The following R3HDM2 variants were observed in gnomAD, a reference collection of about 807,000 sequenced individuals.
The protein encoded by R3HDM2 is R3H domain-containing protein 2.
In R3HDM2, 38 loss-of-function variants were observed where a neutral mutation model predicts 124.5. The observed-to-expected ratio is 0.31, with a 90% CI of 0.24 to 0.40. R3HDM2 has a LOEUF of 0.40. Among genes scored for constraint, R3HDM2 ranks in the 10% least tolerant of loss-of-function variants. R3HDM2 has a pLI of 1.00. For synonymous variants in R3HDM2, 391 were observed against 448.0 expected (o/e 0.87, Z 1.61); for missense variants, 869 against 1,236.9 (o/e 0.70, Z 4.46).
At chr12:57,375,087 T>C (rs1325897481) in intron 2 of R3HDM2, among the ~76,000 whole-genome samples, 2 of 151,902 alleles carry the variant, frequency 1.3e-5, no homozygotes, top group Admixed American at 1.3e-4. Context: ...ACCAGACATA[T>C]TCCACAAACT....
chr12:57,269,292 A>G (rs759717601), intron 16 of R3HDM2, 31 bp downstream of exon 16: 1 of 1,611,060 alleles, frequency 6.2e-7, no homozygotes, highest in African/African-American at 1.3e-5. Context: ...TCCCTTATTC[A>G]CTGCCTTCTT....
At position 57,364,464 on chromosome 12, in the gene R3HDM2, C is replaced by G. The variant is rs548275839; in HGVS notation, c.-36+31285G>C. 3.3e-5 allele frequency among the ~76,000 whole-genome samples: 5 copies of G among 151,882 alleles called. No homozygotes were observed. The East Asian group carries it at 7.8e-4, about 24-fold the overall frequency. The stretch of plus-strand genomic sequence containing the variant: ...CACGCCTAGCCTACAGGCTGGGTGT[C>G]TTAAAAAGAAAATTTATTTTCTCAC... On this transcript the variant is annotated intron_variant, in intron 2 of 23. Coordinates refer to ENST00000402412, the MANE Select transcript of R3HDM2 (RefSeq NM_001394031.1).
At chr12:57,336,968 A>G (rs1433084535) in intron 2 of R3HDM2, among the ~76,000 whole-genome samples, 1 of 152,168 alleles carries the variant, frequency 6.6e-6, no homozygotes, top group Non-Finnish European at 1.5e-5. Flanking sequence ...TAAATTTTTG[A>G]AAATTATTTG....
chr12:57,355,258 C>A (rs1271490527), intron 2 of R3HDM2, among the ~76,000 whole-genome samples: 1 of 151,028 alleles, frequency 6.6e-6, no homozygotes, highest in Non-Finnish European at 1.5e-5. Flanking sequence ...GAGATCGAGA[C>A]CATCCTGGCT....
At chr12:57,347,364 T>G (rs906933996) in intron 2 of R3HDM2, among the ~76,000 whole-genome samples, 16 of 152,276 alleles carry the variant, frequency 1.1e-4, no homozygotes, top group African/African-American at 3.9e-4. Flanking sequence ...TAGAGAGATC[T>G]CTACAGTAAC....
intron 2 of R3HDM2, among the ~76,000 whole-genome samples, chr12:57,311,360 G>A (rs1406287334): frequency 6.7e-6 from 1 of 150,156 alleles, no homozygotes; most frequent in Non-Finnish European, 1.5e-5. Flanking sequence ...TGAGTAGCTG[G>A]GACTACAGGT....
At chr12:57,297,682 C>G in intron 7 of R3HDM2, 1 of 361,786 alleles carries the variant, frequency 2.8e-6, no homozygotes, top group Non-Finnish European at 5.0e-6. Flanking sequence ...CGTTATAAAT[C>G]TAATCGTCAT....
At position 57,280,245 on chromosome 12, in the gene R3HDM2, A is replaced by G. The variant is rs2045818660; in HGVS notation, c.1344+113T>C. The stretch of plus-strand genomic sequence containing the variant: ...AATGAGAAATGGGGGAGAGAGTGGC[A>G]TGTCTCCAAAAACTGATCCTTCCTG... On this transcript the variant is annotated intron_variant, in intron 14 of 23. Coordinates refer to ENST00000402412, the MANE Select transcript of R3HDM2 (RefSeq NM_001394031.1). 6.4e-6 allele frequency: 7 copies of G among 1,101,928 alleles called. No individual in the cohort carries two copies. In the East Asian group the frequency reaches 8.3e-5, roughly 13 times the overall value. The allele number at this position is 1,101,928 out of a possible 1,614,324, so 68.3% of individuals were successfully genotyped here.
chr12:57,275,310 A>G (rs915759868), intron 14 of R3HDM2, among the ~76,000 whole-genome samples: 2 of 152,208 alleles, frequency 1.3e-5, no homozygotes, highest in Non-Finnish European at 2.9e-5. Flanking sequence ...CCTTATACAA[A>G]AATCAACTCA....
intron 21 of R3HDM2, among the ~76,000 whole-genome samples, chr12:57,256,822 CTT>C (rs757111053): frequency 1.1e-4 from 16 of 141,092 alleles, no homozygotes; most frequent in South Asian, 6.7e-4. Flanking sequence ...TTTTATCTCT[CTT>C]TTTTTTTTTT....
At chr12:57,360,036 T>TATATATATATATAC (rs2061724002) in intron 2 of R3HDM2, among the ~76,000 whole-genome samples, 5 of 78,376 alleles carry the variant, frequency 6.4e-5, no homozygotes, top group East Asian at 3.1e-4. Context: ...CACATATATA[T>TATATATATATATAC]ATATATATAT....
At chr12:57,281,524 C>T (rs2046130889) in intron 13 of R3HDM2, among the ~76,000 whole-genome samples, 3 of 151,288 alleles carry the variant, frequency 2.0e-5, no homozygotes, top group East Asian at 4.0e-4. Flanking sequence ...CTCACTCTGT[C>T]GCCCAGGCTG....
intron 2 of R3HDM2, among the ~76,000 whole-genome samples, chr12:57,362,828 T>C (rs1321344639): frequency 1.3e-5 from 2 of 152,174 alleles, no homozygotes; most frequent in African/African-American, 4.8e-5. Context: ...TATTTTATTT[T>C]ATTTTATTTT....
chr12:57,367,885 T>C (rs150666096), intron 2 of R3HDM2, among the ~76,000 whole-genome samples: 1 of 152,240 alleles, frequency 6.6e-6, no homozygotes, highest in East Asian at 1.9e-4. Context: ...TCTTGCTTTA[T>C]TCTCTCATTT....
intron 8 of R3HDM2, 114 bp downstream of exon 8, chr12:57,297,214 T>G: frequency 1.6e-6 from 1 of 609,992 alleles, no homozygotes; most frequent in South Asian, 2.2e-5. Flanking sequence ...CTTAAAAACT[T>G]CAGTATGTTT....
Position 57,278,503 on chromosome 12 carries a change from A to C in R3HDM2, c.1344+1855T>G, listed in dbSNP as rs1370910962. On this transcript the variant is annotated intron_variant, in intron 14 of 23. Transcript: ENST00000402412. ...AAATACACATTTTAGGGAAAAAAAA[A>C]CCTAGAAAATATTAGGACCTTGGAA... Among the ~76,000 whole-genome samples, 4 of 152,248 alleles carry C rather than the reference A, an allele frequency of 2.6e-5. 1 individual carries two copies. The highest frequency in any genetic ancestry group is 6.8e-3 in the Middle Eastern group (2 of 294).
At chr12:57,341,719 A>G (rs1251131459) in intron 2 of R3HDM2, among the ~76,000 whole-genome samples, 2 of 152,204 alleles carry the variant, frequency 1.3e-5, no homozygotes, top group African/African-American at 4.8e-5. Flanking sequence ...ACTAGGGGAT[A>G]GTTACGTAAA....
intron 2 of R3HDM2, among the ~76,000 whole-genome samples, chr12:57,358,363 G>A (rs897034135): frequency 6.6e-6 from 1 of 152,122 alleles, no homozygotes; most frequent in Non-Finnish European, 1.5e-5. Context: ...GAGGCCAAGT[G>A]GAGAAGTGTA....
At chr12:57,271,470 A>T (rs2043586474) in intron 14 of R3HDM2, among the ~76,000 whole-genome samples, 1 of 152,078 alleles carries the variant, frequency 6.6e-6, no homozygotes, top group Admixed American at 6.6e-5. Flanking sequence ...ACGCACACAC[A>T]ACTAGCAGAA....
Sources: gnomAD v4.1 joint callset for allele counts (sites outside exome capture counted in the v4.1 genomes callset) on GRCh38, gnomAD v4.1.1 for gene constraint, MANE v1.5 for transcripts, NCBI Gene and HGNC (gene_info 2026-07-23, HGNC 2026-07-21) for gene names.